NCKAP5: variants seen among roughly 807,000 people sequenced by gnomAD.
The protein encoded by NCKAP5 is NCK associated protein 5, also known as nck-associated protein 5.
In NCKAP5, 92 loss-of-function variants were observed where a neutral mutation model predicts 167.0. That is an observed-to-expected ratio of 0.55 (90% CI 0.47 to 0.66). NCKAP5 has a LOEUF of 0.66. Among genes scored for constraint, NCKAP5 ranks in the 30% least tolerant of loss-of-function variants. NCKAP5 has a pLI of 0.00. For synonymous variants in NCKAP5, 891 were observed against 877.4 expected (o/e 1.02, Z -0.27); for missense variants, 2,378 against 2,315.0 (o/e 1.03, Z -0.56).
intron 9 of NCKAP5, among the ~76,000 whole-genome samples, chr2:132,874,103 ATTT>A (rs4057987): frequency 0.031 from 3,479 of 113,076 alleles, 108 homozygotes; most frequent in East Asian, 0.13. Flanking sequence ...CAAGACCTTG[ATTT>A]TTTTTTTTTT....
At chr2:133,466,724 A>G (rs1692624106) in intron 3 of NCKAP5, among the ~76,000 whole-genome samples, 1 of 152,196 alleles carries the variant, frequency 6.6e-6, no homozygotes, top group Non-Finnish European at 1.5e-5. Context: ...GAAGTCCTTC[A>G]CATCCCTTGT....
intron 6 of NCKAP5, among the ~76,000 whole-genome samples, chr2:133,108,315 T>C (rs972455894): frequency 5.3e-5 from 8 of 152,186 alleles, no homozygotes; most frequent in Non-Finnish European, 8.8e-5. Context: ...GTATCCCCGA[T>C]GCACATACCA....
intron 6 of NCKAP5, among the ~76,000 whole-genome samples, chr2:133,007,856 G>A (rs1200558265): frequency 6.6e-6 from 1 of 152,194 alleles, no homozygotes; most frequent in Non-Finnish European, 1.5e-5. Context: ...ACTGGAGAAT[G>A]TAGTATGGAT....
chr2:133,361,644 C>G (rs184446178), intron 3 of NCKAP5, among the ~76,000 whole-genome samples: 1 of 152,080 alleles, frequency 6.6e-6, no homozygotes, highest in Non-Finnish European at 1.5e-5. Flanking sequence ...AAGAAAAGGC[C>G]AAAATGATAT....
intron 8 of NCKAP5, among the ~76,000 whole-genome samples, chr2:132,938,024 G>T (rs965835365): frequency 2.0e-5 from 3 of 152,218 alleles, no homozygotes; most frequent in Non-Finnish European, 2.9e-5. Flanking sequence ...ACTAAACAAA[G>T]CTATTCTATC....
intron 8 of NCKAP5, among the ~76,000 whole-genome samples, chr2:132,907,556 T>C (rs553349418): frequency 6.6e-6 from 1 of 152,250 alleles, no homozygotes; most frequent in East Asian, 1.9e-4. Flanking sequence ...ATCACCTGTA[T>C]GTGCACTAAG....
chr2:132,702,878 G>A (rs993368996), intron 19 of NCKAP5, among the ~76,000 whole-genome samples: 3 of 152,074 alleles, frequency 2.0e-5, no homozygotes, highest in Non-Finnish European at 4.4e-5. Context: ...TATCATTTGA[G>A]GATTAAAAAG....
chr2:133,429,742 T>G (rs976459432), intron 3 of NCKAP5, among the ~76,000 whole-genome samples: 1 of 152,182 alleles, frequency 6.6e-6, no homozygotes, highest in Admixed American at 6.6e-5. Context: ...TGATTCCATG[T>G]CTTAGCTACT....
At chr2:133,242,478 T>C (rs2087764217) in intron 4 of NCKAP5, among the ~76,000 whole-genome samples, 2 of 152,176 alleles carry the variant, frequency 1.3e-5, no homozygotes, top group South Asian at 2.1e-4. Context: ...AGGCAACCTA[T>C]TGGTCTTGAA....
the NCKAP5 span, among the ~76,000 whole-genome samples, chr2:133,587,893 G>A: frequency 1.3e-5 from 2 of 152,208 alleles, no homozygotes; most frequent in African/African-American, 4.8e-5. Context: ...AACTTTTATC[G>A]CCTGACAAGA....
intron 3 of NCKAP5, among the ~76,000 whole-genome samples, chr2:133,466,986 T>C (rs1308152318): frequency 1.3e-5 from 2 of 152,100 alleles, no homozygotes; most frequent in Non-Finnish European, 2.9e-5. Context: ...CTTTTCCTAA[T>C]TGAATACCCT....
chr2:132,799,426 A>C (rs1684858575), intron 11 of NCKAP5, among the ~76,000 whole-genome samples: 1 of 152,196 alleles, frequency 6.6e-6, no homozygotes, highest in Admixed American at 6.5e-5. Context: ...AAAATTCCTA[A>C]CAAAGTCACA....
At chr2:133,018,297 C>T (rs958365710) in intron 6 of NCKAP5, among the ~76,000 whole-genome samples, 4 of 152,166 alleles carry the variant, frequency 2.6e-5, no homozygotes, top group Non-Finnish European at 5.9e-5. Flanking sequence ...TGAGGGCACA[C>T]TGCCTTGTTT....
intron 3 of NCKAP5, among the ~76,000 whole-genome samples, chr2:133,441,400 T>G (rs541758596): frequency 6.6e-6 from 1 of 152,250 alleles, no homozygotes; most frequent in South Asian, 2.1e-4. Context: ...TGAACCAGAA[T>G]TATCAAAGAA....
intron 2 of NCKAP5, among the ~76,000 whole-genome samples, chr2:133,555,768 C>G (rs1404346728): frequency 6.6e-6 from 1 of 152,160 alleles, no homozygotes; most frequent in Non-Finnish European, 1.5e-5. Flanking sequence ...ATTACACAAG[C>G]ACTCTTAACA....
chr2:133,541,510 A>T (rs1045864491), intron 2 of NCKAP5, among the ~76,000 whole-genome samples: 16 of 152,178 alleles, frequency 1.1e-4, no homozygotes, highest in African/African-American at 3.9e-4. Flanking sequence ...ATGCTCATAC[A>T]GCCTTTAGAA....
At chr2:132,734,635 T>C (rs886144742) in intron 16 of NCKAP5, among the ~76,000 whole-genome samples, 10 of 152,212 alleles carry the variant, frequency 6.6e-5, no homozygotes, top group African/African-American at 2.4e-4. Context: ...TTACAGCTAT[T>C]AGGAGTTCTG....
intron 5 of NCKAP5, among the ~76,000 whole-genome samples, chr2:133,166,084 T>C (rs1176450179): frequency 6.6e-6 from 1 of 151,902 alleles, no homozygotes; most frequent in Non-Finnish European, 1.5e-5. Flanking sequence ...GGCCCTGCAG[T>C]GGAAGGAATG....
At chr2:132,876,238 C>T (rs1465529955) in intron 9 of NCKAP5, among the ~76,000 whole-genome samples, 3 of 152,084 alleles carry the variant, frequency 2.0e-5, no homozygotes, top group Non-Finnish European at 4.4e-5. Flanking sequence ...GTACCTGCCA[C>T]TACATTCGCC....
Sources: gnomAD v4.1 joint callset for allele counts (sites outside exome capture counted in the v4.1 genomes callset) on GRCh38, gnomAD v4.1.1 for gene constraint, MANE v1.5 for transcripts, NCBI Gene and HGNC (gene_info 2026-07-23, HGNC 2026-07-21) for gene names.